ARHGAP22: variants seen among roughly 807,000 people sequenced by gnomAD.
The protein encoded by ARHGAP22 is Rho GTPase activating protein 22.
Under a neutral mutation model 59.1 loss-of-function variants are expected in ARHGAP22, and 48 were observed. That is an observed-to-expected ratio of 0.81 (90% CI 0.64 to 1.03). The LOEUF (loss-of-function observed/expected upper bound fraction) is 1.03, where lower values mean the gene tolerates loss of function less well. ARHGAP22 is among the 50% of genes least tolerant of loss of function. The probability of loss-of-function intolerance (pLI) is 0.00; values close to 1 mark genes in which losing one functional copy is unlikely to be tolerated. For missense variants in ARHGAP22, 1,015 were observed against 958.7 expected, an observed-to-expected ratio of 1.06 and a Z score of -0.78; for synonymous variants, 445 against 416.4, an observed-to-expected ratio of 1.07 and a Z score of -0.84.
Position 48,450,781 on chromosome 10 carries a change from C to A in ARHGAP22, c.1348G>T (p.Glu450Ter). ...CCGCCGGAGGAGATGATGGGCACCTCCAGGGATGAGCCGCCCCCCTTCGGG... is the reference window on the plus strand; with the variant it reads ...CCGCCGGAGGAGATGATGGGCACCTACAGGGATGAGCCGCCCCCCTTCGGG... ...GSPKGGGSSL[E>*]VPIISSGGNW... is the part of the protein sequence containing the mutation. Residue 450 changes from glutamate (E) to a stop codon, truncating the protein, a stop_gained, in exon 9 of 10, where the codon GAG (glutamate) becomes TAG (stop). Transcript: ENST00000249601. LOFTEE classifies it high-confidence loss of function. 6.4e-7 allele frequency: 1 copy of A among 1,567,702 alleles called. No individual in the cohort carries two copies.
At chr10:48,609,726 G>A (rs999552159), upstream of ARHGAP22, among the ~76,000 whole-genome samples, 1 of 152,018 alleles carries the variant, frequency 6.6e-6, no homozygotes, top group Admixed American at 6.6e-5. Context: ...TATGGAGTTC[G>A]GCACCTTTAA....
intron 4 of ARHGAP22, among the ~76,000 whole-genome samples, chr10:48,479,402 C>T (rs2049054084): frequency 6.6e-6 from 1 of 152,174 alleles, no homozygotes; most frequent in Non-Finnish European, 1.5e-5. Flanking sequence ...GAATAGAATC[C>T]AGTACATTTA....
intron 2 of ARHGAP22, chr10:48,574,979 G>C (rs2058619394): frequency 6.6e-6 from 1 of 152,192 alleles, no homozygotes; most frequent in Non-Finnish European, 1.5e-5. Flanking sequence ...CCTGGCGGAA[G>C]GTATTTGGAT....
intron 4 of ARHGAP22, 198 bp downstream of exon 4, chr10:48,479,438 A>C: frequency 1.1e-6 from 1 of 914,608 alleles, no homozygotes; most frequent in Middle Eastern, 2.9e-4. Flanking sequence ...GTTTTCAATA[A>C]AGGAGGAAGT....
At chr10:48,529,430 T>G (rs971114047) in intron 3 of ARHGAP22, among the ~76,000 whole-genome samples, 1 of 152,240 alleles carries the variant, frequency 6.6e-6, no homozygotes, top group African/African-American at 2.4e-5. Context: ...ATTCTGGGTC[T>G]AAGTCCTAAG....
At chr10:48,465,934 T>G (rs576439790) in intron 4 of ARHGAP22, among the ~76,000 whole-genome samples, 1 of 152,150 alleles carries the variant, frequency 6.6e-6, no homozygotes, top group Non-Finnish European at 1.5e-5. Flanking sequence ...CGGCCAACTC[T>G]GTCACTTCCA....
At chr10:48,602,340 T>A (rs1311121068) in intron 1 of ARHGAP22, among the ~76,000 whole-genome samples, 3 of 152,190 alleles carry the variant, frequency 2.0e-5, no homozygotes, top group Non-Finnish European at 4.4e-5. Context: ...AGTCTGATGA[T>A]TTCCTTTAAA....
intron 1 of ARHGAP22, among the ~76,000 whole-genome samples, chr10:48,592,074 A>G (rs2059793382): frequency 6.6e-6 from 1 of 152,214 alleles, no homozygotes; most frequent in Admixed American, 6.5e-5. Context: ...TATTCACATT[A>G]GAAAAGACTT....
At chr10:48,634,256 C>T (rs2061728341) in intron 1 of ARHGAP22, among the ~76,000 whole-genome samples, 1 of 152,150 alleles carries the variant, frequency 6.6e-6, no homozygotes, top group African/African-American at 2.4e-5. Flanking sequence ...GGGTTGAGTC[C>T]TGTCTGCCAC....
intron 7 of ARHGAP22, 151 bp downstream of exon 7, chr10:48,453,937 C>T (rs1370792636): frequency 5.1e-6 from 4 of 788,486 alleles, no homozygotes; most frequent in Non-Finnish European, 8.5e-6. Flanking sequence ...TTTTCCACTC[C>T]CTGCTTCGTC....
the ARHGAP22 span, chr10:48,430,821 G>T: frequency 4.3e-6 from 1 of 232,556 alleles, no homozygotes; most frequent in East Asian, 1.5e-4. Flanking sequence ...ATGGAAGTCA[G>T]TAAGACACGT....
At chr10:48,512,417 T>A (rs778634446) in intron 3 of ARHGAP22, among the ~76,000 whole-genome samples, 1 of 152,234 alleles carries the variant, frequency 6.6e-6, no homozygotes, top group Non-Finnish European at 1.5e-5. Context: ...AGGGCTAGCA[T>A]GAGGATTAAA....
chr10:48,606,562 A>G (rs1564989985), upstream of ARHGAP22, among the ~76,000 whole-genome samples: 1 of 152,184 alleles, frequency 6.6e-6, no homozygotes, highest in East Asian at 1.9e-4. Flanking sequence ...CCGATGCTCT[A>G]TACAACCATA....
intron 1 of ARHGAP22, among the ~76,000 whole-genome samples, chr10:48,592,943 T>G (rs537880058): frequency 3.3e-5 from 5 of 152,248 alleles, no homozygotes; most frequent in Non-Finnish European, 7.3e-5. Context: ...GTTCCTGAGC[T>G]CGCTCAGAGC....
At chr10:48,451,240 C>T in intron 8 of ARHGAP22, 100 bp from the exon 9 acceptor site, 4 of 1,493,834 alleles carry the variant, frequency 2.7e-6, no homozygotes, top group Non-Finnish European at 3.6e-6. Flanking sequence ...GGAGCTGGCC[C>T]TGTCCCCAGA....
At chr10:48,561,456 A>G (rs961864177) in intron 2 of ARHGAP22, among the ~76,000 whole-genome samples, 1 of 152,212 alleles carries the variant, frequency 6.6e-6, no homozygotes, top group African/African-American at 2.4e-5. Flanking sequence ...TGGATACAAC[A>G]TCAGAAGCTT....
chr10:48,604,821 C>G lies in ARHGAP22; in HGVS notation c.-25G>C, dbSNP rs1430462353. ...TGTTCTTGCAGCCGTCCGGCCAGCCCCGCAGGGCCGTTCATGCTGTCATCC... is the reference window on the plus strand; with the variant it reads ...TGTTCTTGCAGCCGTCCGGCCAGCCGCGCAGGGCCGTTCATGCTGTCATCC... On this transcript the variant is annotated 5_prime_UTR_variant, in exon 1 of 10. Transcript: ENST00000249601. 6.2e-7 allele frequency: 1 copy of G among 1,614,174 alleles called. No homozygotes were observed. Among genetic ancestry groups the G allele is most frequent in the Non-Finnish European group, 8.5e-7 (1 of 1,180,034 alleles).
At chr10:48,601,131 A>G (rs1280142924) in intron 1 of ARHGAP22, among the ~76,000 whole-genome samples, 1 of 152,242 alleles carries the variant, frequency 6.6e-6, no homozygotes, top group African/African-American at 2.4e-5. Context: ...TGAGAGTCAT[A>G]GGGAGCCATC....
At chr10:48,544,426 C>T (rs943306083) in intron 3 of ARHGAP22, among the ~76,000 whole-genome samples, 3 of 150,500 alleles carry the variant, frequency 2.0e-5, no homozygotes, top group Non-Finnish European at 3.0e-5. Context: ...CCCCTTGCTT[C>T]TTTCATTTTT....
Sources: allele counts gnomAD v4.1 joint callset (sites outside exome capture counted in the v4.1 genomes callset), GRCh38; gene constraint gnomAD v4.1.1; transcripts MANE v1.5; gene names NCBI Gene and HGNC (gene_info 2026-07-23, HGNC 2026-07-21).